BRAF: variants seen among roughly 807,000 people sequenced by gnomAD.
BRAF encodes the protein serine/threonine-protein kinase B-raf.
Under a neutral mutation model 104.6 loss-of-function variants are expected in BRAF, and 16 were observed. The observed-to-expected ratio is 0.15, with a 90% CI of 0.10 to 0.23. The LOEUF (loss-of-function observed/expected upper bound fraction) is 0.23, where lower values mean the gene tolerates loss of function less well. BRAF is among the 10% of genes least tolerant of loss of function. The probability of loss-of-function intolerance (pLI) is 1.00; values close to 1 mark genes in which losing one functional copy is unlikely to be tolerated. For synonymous variants in BRAF, 310 were observed against 341.6 expected, an observed-to-expected ratio of 0.91 and a Z score of 1.02; for missense variants, 541 against 937.3, an observed-to-expected ratio of 0.58 and a Z score of 5.52.
chr7:140,901,964 A>G (rs533061883), intron 1 of BRAF, among the ~76,000 whole-genome samples: 37 of 152,358 alleles, frequency 2.4e-4, no homozygotes, highest in African/African-American at 8.9e-4. Flanking sequence ...AAGGTGCTAA[A>G]TATTTATTTT....
At position 140,871,435 on chromosome 7, in the gene BRAF, C is replaced by T. The variant is rs28409783; in HGVS notation, c.139-21223G>A. Among the ~76,000 whole-genome samples, 1,120 of 152,080 alleles carry T rather than the reference C, an allele frequency of 7.4e-3. 11 individuals are homozygous for T. The highest frequency in any genetic ancestry group is 0.026 in the African/African-American group (1,062 of 41,476). ...CACATACACATATTGAGAAGAAGTA[C>T]CCATATTCTCTAAAGCAAGGACTGC... On this transcript the variant is annotated intron_variant, in intron 1 of 19. Transcript: ENST00000644969.
In BRAF at chr7:140,885,618, C is replaced by T. The variant is rs577451185; in HGVS notation, c.139-35406G>A. Among the ~76,000 whole-genome samples, 28 of 152,210 alleles carry T rather than the reference C, an allele frequency of 1.8e-4. No homozygotes were observed. In the South Asian group the frequency reaches 5.2e-3, roughly 28 times the overall value. ...AAGGTCTGTGTTACAATGTAGTTTC[C>T]ACAAATGCGGCAACTGTGTCTATTT... On this transcript the variant is annotated intron_variant, in intron 1 of 19. Coordinates refer to ENST00000644969, the MANE Select transcript of BRAF (RefSeq NM_001374258.1).
intron 1 of BRAF, among the ~76,000 whole-genome samples, chr7:140,908,162 T>A (rs1473645039): frequency 1.3e-5 from 2 of 152,374 alleles, no homozygotes; most frequent in Non-Finnish European, 2.9e-5. Flanking sequence ...TATAGATCTG[T>A]TTCTGCTCTC....
chr7:140,839,110 C>T (rs1050870648), intron 2 of BRAF, among the ~76,000 whole-genome samples: 5 of 151,920 alleles, frequency 3.3e-5, no homozygotes, highest in Admixed American at 6.5e-5. Flanking sequence ...CAACAACTGG[C>T]GCTGGTACAA....
intron 3 of BRAF, among the ~76,000 whole-genome samples, chr7:140,821,780 T>C (rs1432093221): frequency 2.6e-5 from 4 of 152,104 alleles, no homozygotes; most frequent in Non-Finnish European, 4.4e-5. Context: ...AAAAACCACA[T>C]ATTTAACACA....
chr7:140,732,199 AAAAAAAAAAAAAG>A, intron 19 of BRAF: 1 of 127,490 alleles, frequency 7.8e-6, no homozygotes, highest in Non-Finnish European at 1.6e-5. Flanking sequence ...AAAAAAAAAA[AAAAAAAAAAAAAG>A]GAAATCAACT....
At chr7:140,715,856 C>A (rs1237104551), downstream of BRAF, among the ~76,000 whole-genome samples, 1 of 152,210 alleles carries the variant, frequency 6.6e-6, no homozygotes, top group Admixed American at 6.5e-5. Flanking sequence ...TTTATCAAAT[C>A]TTCACATTAT....
In BRAF at chr7:140,735,516, A is replaced by G. The variant is rs372510690; in HGVS notation, c.2248-746T>C. 1.1e-4 allele frequency among the ~76,000 whole-genome samples: 17 copies of G among 152,336 alleles called. 1 individual carries two copies. The highest frequency in any genetic ancestry group is 3.8e-4 in the African/African-American group (16 of 41,570). ...TATAATAAGCACTCAATAAAACCTT[A>G]GCAGCTATTATTATTACTTTTGTTA... On this transcript the variant is annotated intron_variant, in intron 18 of 19. Coordinates refer to ENST00000644969, the MANE Select transcript of BRAF (RefSeq NM_001374258.1).
At chr7:140,905,303 T>C (rs1337353904) in intron 1 of BRAF, among the ~76,000 whole-genome samples, 1 of 152,254 alleles carries the variant, frequency 6.6e-6, no homozygotes, top group Non-Finnish European at 1.5e-5. Context: ...ACTTTTGCTA[T>C]AAATATTCTA....
intron 1 of BRAF, among the ~76,000 whole-genome samples, chr7:140,886,388 A>T (rs1415033682): frequency 1.3e-5 from 2 of 152,132 alleles, no homozygotes; most frequent in Non-Finnish European, 2.9e-5. Context: ...CCCTTCCTTA[A>T]ACCCTTTAAT....
intron 7 of BRAF, among the ~76,000 whole-genome samples, chr7:140,795,974 A>G (rs1256949873): frequency 6.6e-6 from 1 of 152,150 alleles, no homozygotes; most frequent in Non-Finnish European, 1.5e-5. Flanking sequence ...TAGGAGCAGG[A>G]AAAAGAATGC....
rs1191732584 is a variant in BRAF, at chr7:140,924,439, C to A, written c.138+127G>T. 2 of 1,385,822 alleles carry A rather than the reference C, an allele frequency of 1.4e-6. No individual in the cohort carries two copies. Among genetic ancestry groups the A allele is most frequent in the Admixed American group, 2.1e-5 (1 of 48,128 alleles). 85.8% of individuals were successfully genotyped at this position (1,385,822 alleles called of 1,614,324 possible). On this transcript the variant is annotated intron_variant, in intron 1 of 19. Coordinates refer to ENST00000644969, the MANE Select transcript of BRAF (RefSeq NM_001374258.1). The surrounding 1 kb of genome is among the most constrained non-coding windows in gnomAD (Gnocchi z 4.2). ...CACGGGGGCGATGCCCACCTCCCAG[C>A]CCGCGGAGCTGGCCCGAGAAGGTGG...
At position 140,812,751 on chromosome 7, in the gene BRAF, G is replaced by A. The variant is rs141339697; in HGVS notation, c.505-3756C>T. On this transcript the variant is annotated intron_variant, in intron 3 of 19. Transcript: ENST00000644969. ...ATAGACCCTAACACATAAAGAAAGT[G>A]CGAATAAGATAAAGGCAACATCTGA... Among the ~76,000 whole-genome samples, 495 of 152,236 alleles carry A rather than the reference G, an allele frequency of 3.3e-3. 3 individuals are homozygous for A. Among genetic ancestry groups the A allele is most frequent in the African/African-American group, 0.011 (473 of 41,546 alleles).
intron 14 of BRAF, among the ~76,000 whole-genome samples, chr7:140,771,378 T>C (rs1799831704): frequency 6.6e-6 from 1 of 151,204 alleles, no homozygotes; most frequent in Non-Finnish European, 1.5e-5. Flanking sequence ...GTATTTTTTG[T>C]AGAGACGGGG....
intron 1 of BRAF, among the ~76,000 whole-genome samples, chr7:140,916,849 C>G (rs1019068721): frequency 6.6e-6 from 1 of 152,062 alleles, no homozygotes; most frequent in East Asian, 1.9e-4. Context: ...ATTAAAAAGT[C>G]AAAGTTCTAA....
intron 1 of BRAF, among the ~76,000 whole-genome samples, chr7:140,888,891 C>G (rs1813891911): frequency 6.6e-6 from 1 of 151,952 alleles, no homozygotes; most frequent in East Asian, 1.9e-4. Flanking sequence ...TTTTGCCCCT[C>G]AAGACATTTG....
At chr7:140,770,876 T>G (rs1274257316) in intron 14 of BRAF, among the ~76,000 whole-genome samples, 1 of 144,182 alleles carries the variant, frequency 6.9e-6, no homozygotes, top group East Asian at 2.0e-4. Context: ...GAGGTTTCAG[T>G]GAGCCAAGGT....
chr7:140,915,743 A>G (rs1817555790), intron 1 of BRAF, among the ~76,000 whole-genome samples: 1 of 152,068 alleles, frequency 6.6e-6, no homozygotes, highest in Admixed American at 6.5e-5. Flanking sequence ...GCCTAATTAA[A>G]GTATCTTTTA....
rs1166410832 is a variant in BRAF, at chr7:140,924,535, G to C, written c.138+31C>G. 3.3e-6 allele frequency: 5 copies of C among 1,533,796 alleles called. No homozygotes were observed. The East Asian group carries it at 7.3e-5, about 22-fold the overall frequency. On this transcript the variant is annotated intron_variant, in intron 1 of 19. Transcript: ENST00000644969. This position sits in a 1 kb window ranked among gnomAD's most constrained non-coding sequence, Gnocchi z 4.2. ...CCAGCCAGCCGCCGAGCCCGGAGTC[G>C]GGAGGGCGGCAGGGTGGCGCCAGCA...
Sources: allele counts gnomAD v4.1 joint callset (sites outside exome capture counted in the v4.1 genomes callset), GRCh38; gene constraint gnomAD v4.1.1; non-coding constraint Gnocchi (gnomAD v3.1); transcripts MANE v1.5; gene names NCBI Gene and HGNC (gene_info 2026-07-23, HGNC 2026-07-21).